NAV2: variants seen among roughly 807,000 people sequenced by gnomAD.
NAV2 encodes the protein neuron navigator 2, also known as helicase, APC down-regulated 1.
Under a neutral mutation model 223.2 loss-of-function variants are expected in NAV2, and 54 were observed. That is an observed-to-expected ratio of 0.24 (90% CI 0.19 to 0.30). The LOEUF is 0.30. Ranked by LOEUF, NAV2 falls within the 10% of genes least tolerant of loss-of-function variation. The pLI is 1.00. For synonymous variants in NAV2, 1,279 were observed against 1,239.3 expected, an observed-to-expected ratio of 1.03 and a Z score of -0.67; for missense variants, 2,806 against 3,147.5, an observed-to-expected ratio of 0.89 and a Z score of 2.60.
chr11:20,098,361 G>C lies in NAV2; in HGVS notation c.6181+616G>C, dbSNP rs541589221. On this transcript the variant is annotated intron_variant, in intron 31 of 37. Coordinates refer to ENST00000349880, the MANE Select transcript of NAV2 (RefSeq NM_145117.5). ...ACAGGAGTGCACTGGTACATCAAAG[G>C]CTCTGTCATTCAGTGTCCTAACTCC... is the stretch of plus-strand genomic sequence containing the variant. Among the ~76,000 whole-genome samples the C allele has an allele frequency of 7.9e-5, 12 of 152,290 alleles. No homozygotes were observed. The East Asian group carries it at 1.2e-3, about 15-fold the overall frequency.
At chr11:19,834,555 C>CTTTTTTTT (rs56112973) in intron 2 of NAV2, among the ~76,000 whole-genome samples, 1 of 147,570 alleles carries the variant, frequency 6.8e-6, no homozygotes, top group Non-Finnish European at 1.5e-5. Context: ...GAAGGGGTAC[C>CTTTTTTTT]TTTTTTTTTT....
At chr11:19,842,771 G>A in intron 2 of NAV2, 100 bp from the exon 3 acceptor site, 1 of 1,022,960 alleles carries the variant, frequency 9.8e-7, no homozygotes. Context: ...ACAAACCCTG[G>A]TATGGGCCTT....
chr11:19,487,646 A>AGG (rs1279964024), intron 1 of NAV2, among the ~76,000 whole-genome samples: 1 of 152,246 alleles, frequency 6.6e-6, no homozygotes, highest in Non-Finnish European at 1.5e-5. Context: ...TCTGGCCAAC[A>AGG]GCCAGTGAGA....
chr11:19,861,893 A>G (rs60408290), intron 3 of NAV2, among the ~76,000 whole-genome samples: 3,078 of 152,334 alleles, frequency 0.02, 114 homozygotes, highest in African/African-American at 0.07. Context: ...TTTTCCTCTC[A>G]TAGGGTCTAC....
Position 19,713,779 on chromosome 11 carries a change from C to G in NAV2, c.84C>G (p.Pro28=). ...GCGCCGCGCCCATCCTGCACGTGCC[C>G]CCGGCCCGGGCGGGCCCCCAGCCCT... ...VHSAAPILHV[P]PARAGPQPCY... The change falls in exon 1 of 38, where the codon CCC becomes CCG. Residue 28 remains proline (P), a synonymous_variant. Coordinates refer to ENST00000349880, the MANE Select transcript of NAV2 (RefSeq NM_145117.5). The surrounding 1 kb of genome is among the most constrained non-coding windows in gnomAD (Gnocchi z 7.2). 2 of 1,612,916 alleles carry G rather than the reference C, an allele frequency of 1.2e-6. No individual in the cohort carries two copies. The highest frequency in any genetic ancestry group is 2.2e-5 in the South Asian group (2 of 90,962).
At chr11:19,470,041 G>T (rs999911063) in intron 1 of NAV2, among the ~76,000 whole-genome samples, 1 of 152,240 alleles carries the variant, frequency 6.6e-6, no homozygotes, top group African/African-American at 2.4e-5. Context: ...GCTTGCTTCT[G>T]CAAAGACTCC....
chr11:19,806,561 C>T (rs574869247), intron 1 of NAV2, among the ~76,000 whole-genome samples: 1 of 152,150 alleles, frequency 6.6e-6, no homozygotes, highest in Admixed American at 6.5e-5. Context: ...AAACCTTGGT[C>T]GAATGTCAGC....
chr11:19,438,585 C>T (rs1851291922), intron 1 of NAV2, among the ~76,000 whole-genome samples: 1 of 152,212 alleles, frequency 6.6e-6, no homozygotes, highest in African/African-American at 2.4e-5. Context: ...AATTCTGACT[C>T]TAACTACCCA....
At chr11:19,799,239 A>C (rs1324850903) in intron 1 of NAV2, among the ~76,000 whole-genome samples, 1 of 152,076 alleles carries the variant, frequency 6.6e-6, no homozygotes, top group Non-Finnish European at 1.5e-5. Context: ...ATCTTCAAGA[A>C]CTCCAGGGAT....
At chr11:19,628,564 G>A (rs2047244127) in intron 1 of NAV2, among the ~76,000 whole-genome samples, 1 of 152,168 alleles carries the variant, frequency 6.6e-6, no homozygotes, top group Non-Finnish European at 1.5e-5. Context: ...ACGTGGCCAT[G>A]CACTCATCTA....
chr11:19,929,840 A>G lies in NAV2; in HGVS notation c.932-3336A>G, dbSNP rs181066767. ...TCAGGGCGGGGAGTCTCTGTCCTGG[A>G]GGAAATCCCAGACCAGGGGAATAAC... On this transcript the variant is annotated intron_variant, in intron 6 of 37. Transcript: ENST00000349880. Among the ~76,000 whole-genome samples the G allele has an allele frequency of 1.6e-4, 24 of 152,310 alleles. No individual in the cohort carries two copies. In the South Asian group the frequency reaches 1.9e-3, roughly 12 times the overall value.
intron 1 of NAV2, among the ~76,000 whole-genome samples, chr11:19,358,867 A>C (rs978971050): frequency 1.2e-4 from 18 of 152,242 alleles, no homozygotes; most frequent in African/African-American, 4.3e-4. Flanking sequence ...GAAAATCATC[A>C]TGAGAAGCTA....
At chr11:20,023,025 C>T in intron 11 of NAV2, 6 of 1,539,456 alleles carry the variant, frequency 3.9e-6, no homozygotes, top group Non-Finnish European at 5.3e-6. Context: ...TGGGCTGGCT[C>T]AGCTGGCTAA....
At position 19,917,720 on chromosome 11, in the gene NAV2, C is replaced by A. The variant is rs943231178; in HGVS notation, c.932-15456C>A. 9.8e-5 allele frequency among the ~76,000 whole-genome samples: 15 copies of A among 152,358 alleles called. No homozygotes were observed. In the East Asian group the frequency reaches 2.9e-3, roughly 29 times the overall value. On this transcript the variant is annotated intron_variant, in intron 6 of 37. Coordinates refer to ENST00000349880, the MANE Select transcript of NAV2 (RefSeq NM_145117.5). ...CTCCGCCTCCTGGGTTCAAGTGATT[C>A]TCCTGCCTCAGCCTCCCATGTAGCT...
upstream of NAV2, among the ~76,000 whole-genome samples, chr11:19,349,757 G>A (rs184080270): frequency 3.9e-5 from 6 of 152,220 alleles, no homozygotes. Context: ...TTATGGGAGG[G>A]TGTACCAAGT....
Position 20,107,691 on chromosome 11 carries a change from T to G in NAV2, c.6869T>G (p.Ile2290Ser). 1 of 1,614,118 alleles carries G rather than the reference T, an allele frequency of 6.2e-7. No individual in the cohort carries two copies. The highest frequency in any genetic ancestry group is 8.5e-7 in the Non-Finnish European group (1 of 1,179,996). The change falls in exon 36 of 38, where the codon ATC (isoleucine) becomes AGC (serine). Residue 2290 changes from isoleucine to serine, a missense_variant. Physicochemically the swap from Ile to Ser is moderately radical, Grantham distance 142. Transcript: ENST00000349880. ...IGPRLFLSCP[I>S]DVDGSRVWFT... ...CCCCGGCTCTTCCTGTCATGCCCCA[T>G]CGATGTGGACGGCTCGAGAGTGTGG...
chr11:20,054,304 C>T (rs2058223180), intron 18 of NAV2, 64 bp downstream of exon 18: 3 of 1,429,398 alleles, frequency 2.1e-6, no homozygotes, highest in South Asian at 1.5e-5. Context: ...ATCTTATATA[C>T]ATAACATATT....
At chr11:19,417,893 T>C (rs1035275421) in intron 1 of NAV2, among the ~76,000 whole-genome samples, 18 of 152,080 alleles carry the variant, frequency 1.2e-4, no homozygotes, top group African/African-American at 2.9e-4. Context: ...CACCACATGT[T>C]CTCACTTATA....
At position 19,933,407 on chromosome 11, in the gene NAV2, C is replaced by T; in HGVS notation, c.1163C>T (p.Pro388Leu). 1 of 1,582,912 alleles carries T rather than the reference C, an allele frequency of 6.3e-7. No homozygotes were observed. Among genetic ancestry groups the T allele is most frequent in the Non-Finnish European group, 8.6e-7 (1 of 1,164,560 alleles). The change falls in exon 7 of 38, where the codon CCT (proline) becomes CTT (leucine). Residue 388 changes from proline (P) to leucine (L), a missense_variant. Transcript: ENST00000349880. This position sits in a 1 kb window ranked among gnomAD's most constrained non-coding sequence, Gnocchi z 4.3. ...GGGCCTGAGGCCCCCAGGCCCACAC[C>T]TGAAGCCATGAAGCCGGCCCCCAAC... ...PPGPEAPRPTPEAMKPAPNNQ... is the reference protein window; with the variant it reads ...PPGPEAPRPTLEAMKPAPNNQ...
Sources: allele counts gnomAD v4.1 joint callset (sites outside exome capture counted in the v4.1 genomes callset), GRCh38; gene constraint gnomAD v4.1.1; non-coding constraint Gnocchi (gnomAD v3.1); transcripts MANE v1.5; gene names NCBI Gene and HGNC (gene_info 2026-07-23, HGNC 2026-07-21).